The following REDIC1 variants were observed in gnomAD, a reference collection of about 807,000 sequenced individuals.
REDIC1 encodes regulator of DNA class I crossover intermediates 1.
At chr12:39,650,105 A>G in the REDIC1 span, 4 of 960,096 alleles carry the variant, frequency 4.2e-6, no homozygotes, top group African/African-American at 3.4e-5. This position sits in a 1 kb window ranked among gnomAD's most constrained non-coding sequence, Gnocchi z 4.3. Flanking sequence ...TAGTAAAATT[A>G]CTTTATTTTG....
the REDIC1 span, among the ~76,000 whole-genome samples, chr12:39,735,500 G>A: frequency 1.3e-5 from 2 of 152,216 alleles, no homozygotes; most frequent in African/African-American, 4.8e-5. Context: ...GCAGATGAGA[G>A]TGTTAAGCAA....
At chr12:39,659,922 T>C in the REDIC1 span, among the ~76,000 whole-genome samples, 1 of 152,124 alleles carries the variant, frequency 6.6e-6, no homozygotes, top group African/African-American at 2.4e-5. Context: ...TTGGAAACCC[T>C]ATGATCTTAT....
At chr12:39,699,752 A>C in the REDIC1 span, among the ~76,000 whole-genome samples, 5 of 152,226 alleles carry the variant, frequency 3.3e-5, no homozygotes, top group Non-Finnish European at 5.9e-5. Context: ...ATCTGAGAAC[A>C]GGCAGAATGC....
At chr12:39,703,134 A>ACAATT in the REDIC1 span, among the ~76,000 whole-genome samples, 2 of 152,214 alleles carry the variant, frequency 1.3e-5, no homozygotes, top group Admixed American at 6.5e-5. Flanking sequence ...GGAAAAGAGG[A>ACAATT]AGCCAAATTG....
chr12:39,724,273 A>T, the REDIC1 span, among the ~76,000 whole-genome samples: 1 of 152,138 alleles, frequency 6.6e-6, no homozygotes, highest in Non-Finnish European at 1.5e-5. Flanking sequence ...TAGCATCGAT[A>T]TTGGTTGGGA....
the REDIC1 span, among the ~76,000 whole-genome samples, chr12:39,744,878 A>G: frequency 6.6e-6 from 1 of 152,216 alleles, no homozygotes; most frequent in African/African-American, 2.4e-5. Context: ...GTCTAAACAC[A>G]GCAAGTAAAA....
chr12:39,727,786 C>A, the REDIC1 span, among the ~76,000 whole-genome samples: 1 of 152,158 alleles, frequency 6.6e-6, no homozygotes, highest in African/African-American at 2.4e-5. Flanking sequence ...TATCCACGAG[C>A]ATGGAATGTT....
At chr12:39,834,025 T>C in the REDIC1 span, among the ~76,000 whole-genome samples, 2 of 152,078 alleles carry the variant, frequency 1.3e-5, no homozygotes, top group Non-Finnish European at 1.5e-5. Context: ...CACTGAGTTC[T>C]TCCCAGGTTA....
At chr12:39,695,058 G>A in the REDIC1 span, among the ~76,000 whole-genome samples, 1 of 152,048 alleles carries the variant, frequency 6.6e-6, no homozygotes, top group Non-Finnish European at 1.5e-5. Flanking sequence ...TTCATCACCT[G>A]CTAACTGAGG....
At chr12:39,700,835 T>A in the REDIC1 span, among the ~76,000 whole-genome samples, 452 of 152,152 alleles carry the variant, frequency 3.0e-3, 1 homozygote, top group African/African-American at 0.01. Context: ...CCAGCCAAAC[T>A]AAGCTTCATA....
the REDIC1 span, among the ~76,000 whole-genome samples, chr12:39,836,564 C>T: frequency 2.7e-5 from 4 of 150,596 alleles, no homozygotes; most frequent in Non-Finnish European, 5.9e-5. Flanking sequence ...TGTTTGCAGA[C>T]GATATGATTG....
At chr12:39,863,337 G>A in the REDIC1 span, among the ~76,000 whole-genome samples, 1 of 152,074 alleles carries the variant, frequency 6.6e-6, no homozygotes, top group South Asian at 2.1e-4. Context: ...ATTTCATTAT[G>A]TAAATCACTA....
the REDIC1 span, among the ~76,000 whole-genome samples, chr12:39,882,176 T>A: frequency 1.3e-5 from 2 of 152,128 alleles, no homozygotes; most frequent in African/African-American, 4.8e-5. Flanking sequence ...TACTCTATAT[T>A]TCCCAAACCA....
At chr12:39,862,395 T>C in the REDIC1 span, among the ~76,000 whole-genome samples, 1 of 152,232 alleles carries the variant, frequency 6.6e-6, no homozygotes, top group African/African-American at 2.4e-5. Flanking sequence ...ATCACTGTGG[T>C]CTATAGATTT....
the REDIC1 span, among the ~76,000 whole-genome samples, chr12:39,804,426 AAG>A: frequency 6.6e-6 from 1 of 152,304 alleles, no homozygotes; most frequent in Non-Finnish European, 1.5e-5. Flanking sequence ...TCATAATGGT[AAG>A]AGTTTAACAT....
chr12:39,875,714 T>A, the REDIC1 span, among the ~76,000 whole-genome samples: 1 of 152,182 alleles, frequency 6.6e-6, no homozygotes, highest in Non-Finnish European at 1.5e-5. Context: ...ACATGATATA[T>A]TTAGGTCAGA....
chr12:39,760,080 C>T, the REDIC1 span: 1 of 1,612,748 alleles, frequency 6.2e-7, no homozygotes, highest in South Asian at 1.1e-5. Flanking sequence ...TTCCCTTTAC[C>T]CGAATATATT....
the REDIC1 span, among the ~76,000 whole-genome samples, chr12:39,729,462 T>G: frequency 2.0e-5 from 3 of 152,206 alleles, no homozygotes; most frequent in African/African-American, 7.2e-5. Flanking sequence ...CATGTAGTTG[T>G]GTGGTTTTAA....
the REDIC1 span, among the ~76,000 whole-genome samples, chr12:39,694,227 C>G: frequency 3.3e-5 from 5 of 151,926 alleles, no homozygotes; most frequent in Non-Finnish European, 7.4e-5. Context: ...ACACCCACTG[C>G]AAGCGCACCA....
Sources: allele counts gnomAD v4.1 joint callset (sites outside exome capture counted in the v4.1 genomes callset), GRCh38; gene constraint gnomAD v4.1.1; non-coding constraint Gnocchi (gnomAD v3.1); transcripts MANE v1.5; gene names NCBI Gene and HGNC (gene_info 2026-07-23, HGNC 2026-07-21).